Variants in SLC26A6 observed in about 807,000 individuals in gnomAD.
SLC26A6 encodes the protein anion exchange transporter.
Under a neutral mutation model 87.1 loss-of-function variants are expected in SLC26A6, and 67 were observed. The observed-to-expected ratio is 0.77, with a 90% CI of 0.63 to 0.94. The LOEUF (loss-of-function observed/expected upper bound fraction) is 0.94, where lower values mean the gene tolerates loss of function less well. Ranked by LOEUF, SLC26A6 falls within the 40% of genes least tolerant of loss-of-function variation. The pLI, the probability that SLC26A6 is intolerant of heterozygous loss-of-function variation, is 0.00. For synonymous variants in SLC26A6, 414 were observed against 405.9 expected, an observed-to-expected ratio of 1.02 and a Z score of -0.24; for missense variants, 902 against 973.0, an observed-to-expected ratio of 0.93 and a Z score of 0.97.
chr3:48,633,133 C>T (rs758707317), intron 3 of SLC26A6, 49 bp from the exon 4 acceptor site: 90 of 1,587,368 alleles, frequency 5.7e-5, no homozygotes, highest in Non-Finnish European at 5.6e-5. Context: ...GATCTTGAAA[C>T]GATAAGGGAA....
chr3:48,630,842 G>T, intron 9 of SLC26A6, 122 bp from the exon 10 acceptor site: 1 of 1,495,144 alleles, frequency 6.7e-7, no homozygotes, highest in Non-Finnish European at 9.2e-7. Flanking sequence ...GAGACTGGAT[G>T]CTGTCCCACA....
At chr3:48,626,488 T>A in intron 19 of SLC26A6, 134 bp from the exon 20 acceptor site, 1 of 1,536,166 alleles carries the variant, frequency 6.5e-7, no homozygotes, top group Non-Finnish European at 8.9e-7. Context: ...ACATCACTTG[T>A]AACCCTGGAC....
Position 48,626,300 on chromosome 3 carries a change from T to C in SLC26A6, c.2183A>G (p.Lys728Arg). The C allele has an allele frequency of 1.2e-6, 2 of 1,614,048 alleles. No homozygotes were observed. The highest frequency in any genetic ancestry group is 1.7e-6 in the Non-Finnish European group (2 of 1,180,010). The change falls in exon 20 of 21, where the codon AAG (lysine) becomes AGG (arginine). Residue 728 changes from lysine to arginine, a missense_variant. Transcript: ENST00000395550. The stretch of plus-strand genomic sequence containing the variant: ...ATGGACAGAGGCAAAGAGATGCTTC[T>C]TGGTGATGGATGCATCGAAGAAGTG... The part of the protein sequence containing the change: ...AGHFFDASIT[K>R]KHLFASVHDA...
Position 48,628,710 on chromosome 3 carries a change from TTGGCC to T in SLC26A6, c.1600-1_1603del. 1 of 1,613,260 alleles carries T rather than the reference TTGGCC, an allele frequency of 6.2e-7. No individual in the cohort carries two copies. The highest frequency in any genetic ancestry group is 8.5e-7 in the Non-Finnish European group (1 of 1,179,752). The stretch of plus-strand genomic sequence containing the variant: ...GAAGACCTTCACCCCCCGGACTTCC[TTGGCC>T]TGGGGATGAGGCAGAACTGGTGGTG... On this transcript the variant is annotated splice_acceptor_variant and coding_sequence_variant, in exon 15 of 21. Coordinates refer to ENST00000395550, the MANE Select transcript of SLC26A6 (RefSeq NM_022911.3). LOFTEE classifies it high-confidence loss of function. This position sits in a 1 kb window ranked among gnomAD's most constrained non-coding sequence, Gnocchi z 4.4.
At chr3:48,632,838 C>A in intron 4 of SLC26A6, 136 bp downstream of exon 4, 1 of 875,978 alleles carries the variant, frequency 1.1e-6, no homozygotes, top group South Asian at 1.6e-5. Context: ...GGGGATGACT[C>A]GTGGGCTAGC....
Position 48,630,637 on chromosome 3 carries a change from CA to C in SLC26A6, c.1217del (p.Leu406ArgfsTer46). On this transcript the variant is annotated frameshift_variant, in exon 10 of 21. Transcript: ENST00000395550. LOFTEE classifies it high-confidence loss of function. The stretch of plus-strand genomic sequence containing the variant: ...AGTTGCCCCCGGTGCTCTCCTGTAC[CA>C]GGCTCCGAGACATAGAGCAACTCAC... The part of the protein sequence containing the change: ...FPVSCSMSRS[L>X]VQESTGGNSQ... The C allele has an allele frequency of 6.3e-7, 1 of 1,592,588 alleles. No individual in the cohort carries two copies. Among genetic ancestry groups the C allele is most frequent in the Non-Finnish European group, 8.6e-7 (1 of 1,168,168 alleles).
rs1218267741 is a variant in SLC26A6 at position 48,628,609 on chromosome 3, G to C, written c.1692+13C>G. 40 of 1,613,942 alleles carry C rather than the reference G, an allele frequency of 2.5e-5. No homozygotes were observed. The highest frequency in any genetic ancestry group is 3.3e-5 in the Non-Finnish European group (39 of 1,179,988). On this transcript the variant is annotated intron_variant, in intron 15 of 20. Coordinates refer to ENST00000395550, the MANE Select transcript of SLC26A6 (RefSeq NM_022911.3). The surrounding 1 kb of genome is among the most constrained non-coding windows in gnomAD (Gnocchi z 4.4). ...GCTGGGGCCTGACACCCATCCTGGG[G>C]ACTCCGTCTCACCCTCTGCTTCAGC...
chr3:48,631,691 C>T lies in SLC26A6; in HGVS notation c.861G>A (p.Leu287=), dbSNP rs2046798467. The change falls in exon 7 of 21, where the codon CTG becomes CTA. Residue 287 remains leucine, a synonymous_variant. Coordinates refer to ENST00000395550, the MANE Select transcript of SLC26A6 (RefSeq NM_022911.3). Reference sequence around the variant, plus strand: ...GTATCGGCATGGGCAGCTGCTGCTGCAGCTTGTCATTCAACAGCTTCACCA... The same window carrying T: ...GTATCGGCATGGGCAGCTGCTGCTGTAGCTTGTCATTCAACAGCTTCACCA... ...LVVVKLLNDK[L]QQQLPMPIPG... The T allele has an allele frequency of 6.2e-7, 1 of 1,613,250 alleles. No individual in the cohort carries two copies. Among genetic ancestry groups the T allele is most frequent in the African/African-American group, 1.3e-5 (1 of 75,040 alleles).
chr3:48,632,729 AG>A, intron 4 of SLC26A6: 2 of 677,748 alleles, frequency 3.0e-6, no homozygotes, highest in Admixed American at 2.1e-5. Flanking sequence ...GCCAAGTTCC[AG>A]GCCCCTTGGG....
chr3:48,629,018 G>A (rs1355893823), intron 14 of SLC26A6, among the ~76,000 whole-genome samples: 1 of 152,132 alleles, frequency 6.6e-6, no homozygotes, highest in African/African-American at 2.4e-5. Context: ...CCCAGACAGA[G>A]GTCCTCCTAG....
At chr3:48,630,249 C>T in intron 11 of SLC26A6, 92 bp from the exon 12 acceptor site, 1 of 1,456,972 alleles carries the variant, frequency 6.9e-7, no homozygotes, top group South Asian at 1.2e-5. Flanking sequence ...AGCCCAAGCA[C>T]TCAGGCAGTA....
Position 48,633,612 on chromosome 3 carries a change from A to T in SLC26A6, c.47T>A (p.Leu16Gln). 6.2e-7 allele frequency: 1 copy of T among 1,613,584 alleles called. No homozygotes were observed. Among genetic ancestry groups the T allele is most frequent in the Non-Finnish European group, 8.5e-7 (1 of 1,179,988 alleles). The change falls in exon 2 of 21, where the codon CTG becomes CAG. Residue 16 changes from leucine to glutamine, a missense_variant. Leu to Gln is a moderately radical substitution (Grantham distance 113). Coordinates refer to ENST00000395550, the MANE Select transcript of SLC26A6 (RefSeq NM_022911.3). ...ASGPRDTQAL[L>Q]SATQAMDLRR... ...CAGGTCCATTGCTTGTGTTGCAGAC[A>T]GCAGTGCCTGTGTGTCCCTCGGTCT...
rs899852024 is a variant in SLC26A6 at position 48,631,902 on chromosome 3, G to C, written c.728C>G (p.Ser243Cys). The change falls in exon 6 of 21, where the codon TCT (serine) becomes TGT (cysteine). Residue 243 changes from serine to cysteine, a missense_variant. By Grantham distance (112) the Ser-to-Cys change is moderately radical. Coordinates refer to ENST00000395550, the MANE Select transcript of SLC26A6 (RefSeq NM_022911.3). ...CACATAGATGAGGGACAGTGGCCCA[G>C]AGTGGCTGCTCAGATGGAGGCCAAA... ...YVFGLHLSSH[S>C]GPLSLIYTVL... 2 of 1,613,576 alleles carry C rather than the reference G, an allele frequency of 1.2e-6. No individual in the cohort carries two copies. The highest frequency in any genetic ancestry group is 2.2e-5 in the East Asian group (1 of 44,884).
Position 48,625,852 on chromosome 3 carries a change from C to T in SLC26A6, c.*134G>A. On this transcript the variant is annotated 3_prime_UTR_variant, in exon 21 of 21. Coordinates refer to ENST00000395550, the MANE Select transcript of SLC26A6 (RefSeq NM_022911.3). The surrounding 1 kb of genome is among the most constrained non-coding windows in gnomAD (Gnocchi z 4.7). ...GAGCGCTGAACTTGGAGTCCCAGGA[C>T]CTCCTTCCCTGAGTTGTGTGTGTGT... 8.4e-7 allele frequency: 1 copy of T among 1,190,388 alleles called. No homozygotes were observed. The highest frequency in any genetic ancestry group is 1.2e-6 in the Non-Finnish European group (1 of 832,524). The allele number at this position is 1,190,388 out of a possible 1,614,324, so 73.7% of individuals were successfully genotyped here. A position where few individuals can be genotyped will look rare whatever the true frequency, so the allele number is the denominator to read the frequency against.
At chr3:48,626,039 A>G (rs1411165173) in intron 20 of SLC26A6, 39 bp from the exon 21 acceptor site, 1 of 1,613,532 alleles carries the variant, frequency 6.2e-7, no homozygotes, top group East Asian at 2.2e-5. Context: ...GTCAGTTTCC[A>G]AAGGACACAG....
Position 48,627,177 on chromosome 3 carries a change from C to T in SLC26A6, c.1894-122G>A, listed in dbSNP as rs2046649298. The T allele has an allele frequency of 2.5e-6, 3 of 1,204,220 alleles. No individual in the cohort carries two copies. The African/African-American group carries it at 4.6e-5, about 18-fold the overall frequency. The allele number at this position is 1,204,220 out of a possible 1,614,324, so 74.6% of individuals were successfully genotyped here. The stretch of plus-strand genomic sequence containing the variant: ...AGCATGCATGGGACACATAAGGACA[C>T]AAACATGCGGGAGTCACATAGGTGT... On this transcript the variant is annotated intron_variant, in intron 17 of 20. Transcript: ENST00000395550.
chr3:48,629,677 T>C lies in SLC26A6; in HGVS notation c.1564A>G (p.Thr522Ala), dbSNP rs760289812. 10 of 1,613,250 alleles carry C rather than the reference T, an allele frequency of 6.2e-6. No homozygotes were observed. Among genetic ancestry groups the C allele is most frequent in the Admixed American group, 1.7e-5 (1 of 59,930 alleles). The change falls in exon 14 of 21, where the codon ACG becomes GCG. Residue 522 changes from threonine (T) to alanine (A), a missense_variant. Physicochemically the swap from Thr to Ala is moderately conservative, Grantham distance 58. This residue lies in a region of SLC26A6 where 800 missense variants were observed against 856.8 expected (regional missense o/e 0.93). Transcript: ENST00000395550. Reference protein sequence around the residue: ...HYSVLGQVPDTDIYRDVAEYS... With the variant: ...HYSVLGQVPDADIYRDVAEYS... ...TCTGCCACATCTCTGTAAATATCCG[T>C]GTCTGGCACCTGCCCCAGGACAGAG...
At position 48,630,084 on chromosome 3, in the gene SLC26A6, C is replaced by G; in HGVS notation, c.1400G>C (p.Trp467Ser). 6.2e-7 allele frequency: 1 copy of G among 1,612,276 alleles called. No individual in the cohort carries two copies. The highest frequency in any genetic ancestry group is 8.5e-7 in the Non-Finnish European group (1 of 1,178,686). Residue 467 changes from tryptophan (W) to serine (S), a missense_variant, in exon 12 of 21, where the codon TGG becomes TCG. Transcript: ENST00000395550. ...LRQLSDMRSL[W>S]KANRADLLIW... ...CACCAGATCCGCCCGATTGGCCTTC[C>G]AGAGGGAGCGCATGTCGCTGAGCTG...
At chr3:48,633,161 G>C in intron 3 of SLC26A6, 77 bp from the exon 4 acceptor site, 1 of 1,584,136 alleles carries the variant, frequency 6.3e-7, no homozygotes, top group Non-Finnish European at 8.6e-7. Context: ...CCTGGGTTAG[G>C]TGCCATAGTT....
Sources: allele counts gnomAD v4.1 joint callset (sites outside exome capture counted in the v4.1 genomes callset), GRCh38; gene constraint gnomAD v4.1.1; regional missense constraint gnomAD v4.1.1; non-coding constraint Gnocchi (gnomAD v3.1); transcripts MANE v1.5; gene names NCBI Gene and HGNC (gene_info 2026-07-23, HGNC 2026-07-21).